Variants in EDEM2 observed in about 807,000 individuals in gnomAD.
The protein encoded by EDEM2 is ER degradation-enhancing alpha-mannosidase-like protein 2.
EDEM2 carries 39 observed loss-of-function variants against 64.8 expected under a neutral mutation model. The observed-to-expected ratio is 0.60, with a 90% CI of 0.47 to 0.79. EDEM2 has a LOEUF of 0.79. Among genes scored for constraint, EDEM2 ranks in the 30% least tolerant of loss-of-function variants. The probability of loss-of-function intolerance (pLI) is 0.00; values close to 1 mark genes in which losing one functional copy is unlikely to be tolerated. For synonymous variants in EDEM2, 296 were observed against 291.5 expected (o/e 1.02, Z -0.16); for missense variants, 609 against 731.3 (o/e 0.83, Z 1.93).
chr20:35,120,777 T>C (rs1396452589), intron 9 of EDEM2, among the ~76,000 whole-genome samples: 1 of 152,106 alleles, frequency 6.6e-6, no homozygotes, highest in African/African-American at 2.4e-5. Flanking sequence ...TTTGTATTTT[T>C]AGTAGAGACA....
chr20:35,125,530 G>A (rs916531478), intron 8 of EDEM2, among the ~76,000 whole-genome samples: 4 of 151,748 alleles, frequency 2.6e-5, no homozygotes, highest in Admixed American at 6.6e-5. Context: ...GACTACAGGC[G>A]CCCACCACCA....
intron 5 of EDEM2, 91 bp downstream of exon 5, chr20:35,137,789 G>C: frequency 6.6e-7 from 1 of 1,521,386 alleles, no homozygotes; most frequent in South Asian, 1.3e-5. Context: ...AGAAATACCA[G>C]GAATTAATTC....
intron 7 of EDEM2, among the ~76,000 whole-genome samples, chr20:35,129,215 C>T (rs1056736183): frequency 6.6e-6 from 1 of 151,952 alleles, no homozygotes; most frequent in African/African-American, 2.4e-5. Flanking sequence ...AAGACCAGCC[C>T]GGGCAACACA....
At chr20:35,118,776 G>A (rs1236229802) in intron 9 of EDEM2, 57 bp from the exon 10 acceptor site, 3 of 1,599,180 alleles carry the variant, frequency 1.9e-6, no homozygotes, top group Non-Finnish European at 1.7e-6. Context: ...ATGGCCTGGG[G>A]CCTCTTAGGG....
At chr20:35,121,071 G>C (rs555447097) in intron 9 of EDEM2, among the ~76,000 whole-genome samples, 1 of 152,214 alleles carries the variant, frequency 6.6e-6, no homozygotes, top group Non-Finnish European at 1.5e-5. Context: ...CAGTTTCATG[G>C]AAGACAATTT....
intron 7 of EDEM2, among the ~76,000 whole-genome samples, chr20:35,128,002 T>C (rs1477160135): frequency 6.6e-6 from 1 of 152,208 alleles, no homozygotes; most frequent in African/African-American, 2.4e-5. Flanking sequence ...ACACATACAA[T>C]TATGTATAGT....
intron 4 of EDEM2, 87 bp from the exon 5 acceptor site, chr20:35,138,092 AAC>A: frequency 6.5e-7 from 1 of 1,536,738 alleles, no homozygotes; most frequent in Non-Finnish European, 8.8e-7. Context: ...GTTAAACATA[AAC>A]ACTCTATTGT....
intron 7 of EDEM2, among the ~76,000 whole-genome samples, chr20:35,130,992 T>C (rs2085498258): frequency 6.6e-6 from 1 of 152,160 alleles, no homozygotes; most frequent in South Asian, 2.1e-4. Flanking sequence ...CCAAATTCTG[T>C]AGAAGGATCA....
chr20:35,115,648 G>T lies in EDEM2; in HGVS notation c.1522C>A (p.Leu508Ile). 1 of 1,614,174 alleles carries T rather than the reference G, an allele frequency of 6.2e-7. No individual in the cohort carries two copies. The highest frequency in any genetic ancestry group is 1.3e-5 in the African/African-American group (1 of 75,040). The change falls in exon 11 of 11, where the codon CTC becomes ATC. Residue 508 changes from leucine to isoleucine, a missense_variant. Leu to Ile is a conservative substitution (Grantham distance 5, BLOSUM62 2). Coordinates refer to ENST00000374492, the MANE Select transcript of EDEM2 (RefSeq NM_018217.3). The stretch of plus-strand genomic sequence containing the variant: ...TGAAATTTCGACCTGCTCCGTTTGA[G>T]AGAGTAGAATTCCCTCATCAAGTCC... ...VEDLMREFYS[L>I]KRSRSKFQKN...
Position 35,131,779 on chromosome 20 carries a change from C to A in EDEM2, c.707G>T (p.Gly236Val), listed in dbSNP as rs1162237021. ...WESRSDIGLV[G>V]NHIDVLTGKW... is the part of the protein sequence containing the mutation. ...GCCAGTGAGCACATCAATGTGGTTGCCGACCTGAGAGAGAGAAAGACACAC... is the reference window on the plus strand; with the variant it reads ...GCCAGTGAGCACATCAATGTGGTTGACGACCTGAGAGAGAGAAAGACACAC... The change falls in exon 7 of 11, where the codon GGC (glycine) becomes GTC (valine). Residue 236 changes from glycine (G) to valine (V), a missense_variant. Physicochemically the swap from Gly to Val is moderately radical, Grantham distance 109 (BLOSUM62 -3). Coordinates refer to ENST00000374492, the MANE Select transcript of EDEM2 (RefSeq NM_018217.3). 7.4e-6 allele frequency: 12 copies of A among 1,613,276 alleles called. No homozygotes were observed. The highest frequency in any genetic ancestry group is 4.0e-5 in the African/African-American group (3 of 74,866).
At chr20:35,128,767 T>C (rs1448192760) in intron 7 of EDEM2, among the ~76,000 whole-genome samples, 1 of 150,220 alleles carries the variant, frequency 6.7e-6, no homozygotes, top group Non-Finnish European at 1.5e-5. Flanking sequence ...GTTTGTAGCT[T>C]AGTTTTTAAC....
At chr20:35,135,994 G>T (rs867594487) in intron 5 of EDEM2, among the ~76,000 whole-genome samples, 65 of 152,286 alleles carry the variant, frequency 4.3e-4, no homozygotes, top group African/African-American at 1.1e-3. Flanking sequence ...GCCAGAGGCA[G>T]AGATTTCCTC....
At chr20:35,119,885 T>C (rs2085348776) in intron 9 of EDEM2, among the ~76,000 whole-genome samples, 1 of 152,180 alleles carries the variant, frequency 6.6e-6, no homozygotes, top group Admixed American at 6.5e-5. Flanking sequence ...ACTTCAAGGG[T>C]GGCCTCAGCT....
At chr20:35,140,199 A>C (rs2085633515) in intron 4 of EDEM2, among the ~76,000 whole-genome samples, 1 of 152,220 alleles carries the variant, frequency 6.6e-6, no homozygotes, top group South Asian at 2.1e-4. Context: ...AAAAGTGGTA[A>C]ATAGGCCAGG....
chr20:35,130,472 A>T (rs1047585153), intron 7 of EDEM2, among the ~76,000 whole-genome samples: 5 of 152,206 alleles, frequency 3.3e-5, no homozygotes, highest in Non-Finnish European at 7.3e-5. Context: ...AGTTATGTGA[A>T]TTTGTCTTTT....
Position 35,142,376 on chromosome 20 carries a change from G to C in EDEM2, c.361C>G (p.Arg121Gly). 1 of 1,612,102 alleles carries C rather than the reference G, an allele frequency of 6.2e-7. No individual in the cohort carries two copies. Among genetic ancestry groups the C allele is most frequent in the Non-Finnish European group, 8.5e-7 (1 of 1,178,496 alleles). The stretch of plus-strand genomic sequence containing the variant: ...GGTCCTAGAGAGCAGCCCTTACCTC[G>C]AATGTTTGTTTCAAACACAGAGGCG... ...VNASVFETNI[R>G]VVGGLLSAHL... Residue 121 changes from arginine (R) to glycine (G), a missense_variant, in exon 4 of 11, where the codon CGA becomes GGA. Transcript: ENST00000374492.
At chr20:35,143,392 A>G (rs2085684520) in intron 3 of EDEM2, among the ~76,000 whole-genome samples, 1 of 152,186 alleles carries the variant, frequency 6.6e-6, no homozygotes, top group Non-Finnish European at 1.5e-5. Context: ...GATGGCAGCT[A>G]TGTGAGACCA....
At chr20:35,116,246 T>C (rs2085308233) in intron 10 of EDEM2, among the ~76,000 whole-genome samples, 1 of 151,972 alleles carries the variant, frequency 6.6e-6, no homozygotes, top group African/African-American at 2.4e-5. Flanking sequence ...GCTCAAGCAA[T>C]TCCTCCTACC....
chr20:35,120,497 A>G (rs1413565247), intron 9 of EDEM2, among the ~76,000 whole-genome samples: 1 of 151,936 alleles, frequency 6.6e-6, no homozygotes, highest in Non-Finnish European at 1.5e-5. Context: ...ACTAGGGTAC[A>G]TTCATTACTA....
Sources: allele counts gnomAD v4.1 joint callset (sites outside exome capture counted in the v4.1 genomes callset), GRCh38; gene constraint gnomAD v4.1.1; transcripts MANE v1.5; gene names NCBI Gene and HGNC (gene_info 2026-07-23, HGNC 2026-07-21).